Variants in SHISA6 observed in about 807,000 individuals in gnomAD.
SHISA6 encodes shisa family member 6.
Under a neutral mutation model 47.9 loss-of-function variants are expected in SHISA6, and 22 were observed. The ratio of observed to expected loss-of-function variants is 0.46; its 90% CI spans 0.33 to 0.66. SHISA6 has a LOEUF of 0.66. Among genes scored for constraint, SHISA6 ranks in the 30% least tolerant of loss-of-function variants. SHISA6 has a pLI of 0.02. For missense variants in SHISA6, 680 were observed against 764.6 expected (o/e 0.89, Z 1.30); for synonymous variants, 388 against 337.8 (o/e 1.15, Z -1.63).
chr17:11,417,435 C>T (rs374230834), intron 3 of SHISA6, among the ~76,000 whole-genome samples: 10 of 152,260 alleles, frequency 6.6e-5, no homozygotes, highest in African/African-American at 1.7e-4. Flanking sequence ...TATTACCACC[C>T]GATAACCAGC....
intron 2 of SHISA6, among the ~76,000 whole-genome samples, chr17:11,351,105 C>G (rs1241976489): frequency 6.6e-6 from 1 of 151,794 alleles, no homozygotes; most frequent in African/African-American, 2.4e-5. Flanking sequence ...AATGCATGGA[C>G]ACAGGGAGGG....
At chr17:11,486,824 C>T (rs1017664972) in intron 3 of SHISA6, among the ~76,000 whole-genome samples, 1 of 152,236 alleles carries the variant, frequency 6.6e-6, no homozygotes, top group Non-Finnish European at 1.5e-5. Context: ...ACACCCACTA[C>T]AGAAGGAGCG....
intron 2 of SHISA6, among the ~76,000 whole-genome samples, chr17:11,349,769 C>T (rs1237732703): frequency 6.6e-6 from 1 of 152,102 alleles, no homozygotes; most frequent in Non-Finnish European, 1.5e-5. Context: ...GAAATGAGGC[C>T]TCTTGAAAAA....
intron 2 of SHISA6, among the ~76,000 whole-genome samples, chr17:11,342,534 A>G (rs898987157): frequency 6.6e-6 from 1 of 152,186 alleles, no homozygotes; most frequent in African/African-American, 2.4e-5. Context: ...TGATAAAAGG[A>G]TAGTAAGAGG....
chr17:11,485,590 C>A (rs72809013), intron 3 of SHISA6, among the ~76,000 whole-genome samples: 1 of 152,034 alleles, frequency 6.6e-6, no homozygotes, highest in African/African-American at 2.4e-5. Context: ...GACGGCCACG[C>A]GCACTGAGTG....
intron 2 of SHISA6, among the ~76,000 whole-genome samples, chr17:11,271,136 G>A (rs79575614): frequency 0.03 from 4,539 of 152,084 alleles, 163 homozygotes; most frequent in African/African-American, 0.085. Context: ...CTCATCCTAT[G>A]TGAGGGGTGA....
At chr17:11,328,211 C>T (rs537978426) in intron 2 of SHISA6, among the ~76,000 whole-genome samples, 1 of 152,266 alleles carries the variant, frequency 6.6e-6, no homozygotes, top group East Asian at 1.9e-4. Flanking sequence ...GGACTCGGGC[C>T]ACACACATGA....
intron 3 of SHISA6, among the ~76,000 whole-genome samples, chr17:11,486,916 G>A (rs915634782): frequency 6.6e-6 from 1 of 152,212 alleles, no homozygotes; most frequent in Admixed American, 6.5e-5. Flanking sequence ...TAGCCCGGGG[G>A]TCTGCCAGCG....
At chr17:11,310,569 A>T (rs150718429) in intron 2 of SHISA6, among the ~76,000 whole-genome samples, 51 of 152,312 alleles carry the variant, frequency 3.3e-4, no homozygotes, top group African/African-American at 1.1e-3. Flanking sequence ...AGAGCCCATC[A>T]TGAAAGACCT....
At chr17:11,505,295 G>T (rs1004828756) in intron 3 of SHISA6, among the ~76,000 whole-genome samples, 1 of 152,204 alleles carries the variant, frequency 6.6e-6, no homozygotes, top group Non-Finnish European at 1.5e-5. Flanking sequence ...ATTTGGATAA[G>T]TTCTTCCCAG....
At chr17:11,504,572 A>G (rs1337132364) in intron 3 of SHISA6, among the ~76,000 whole-genome samples, 1 of 152,178 alleles carries the variant, frequency 6.6e-6, no homozygotes, top group Non-Finnish European at 1.5e-5. Context: ...TATCTATCAA[A>G]TCACATGCAT....
chr17:11,538,093 C>T (rs951699131), intron 3 of SHISA6, among the ~76,000 whole-genome samples: 4 of 152,140 alleles, frequency 2.6e-5, no homozygotes, highest in Non-Finnish European at 4.4e-5. Flanking sequence ...TGGAGTCTGG[C>T]TCTGTCACCA....
chr17:11,339,041 G>GA lies in SHISA6; in HGVS notation c.800-40362dup, dbSNP rs577507925. The stretch of plus-strand genomic sequence containing the variant: ...TGTGCCCAGCAACAGAGAGTTCATT[G>GA]AAAAAAAAAAATCCAAAATGTGTGT... On this transcript the variant is annotated intron_variant, in intron 2 of 5. Coordinates refer to ENST00000441885, the MANE Select transcript of SHISA6 (RefSeq NM_207386.4). Among the ~76,000 whole-genome samples, 288 of 144,576 alleles carry GA rather than the reference G, an allele frequency of 2.0e-3. No homozygotes were observed. The Middle Eastern group carries it at 0.022, about 11-fold the overall frequency. 94.8% of individuals were successfully genotyped at this position (144,576 alleles called of 152,430 possible). A position where few individuals can be genotyped will look rare whatever the true frequency, so the allele number is the denominator to read the frequency against.
At chr17:11,307,161 CT>C (rs535717755) in intron 2 of SHISA6, among the ~76,000 whole-genome samples, 2,577 of 133,456 alleles carry the variant, frequency 0.019, 69 homozygotes, top group African/African-American at 0.064. Flanking sequence ...TTCTTTTTTT[CT>C]TTTTTTTTTA....
chr17:11,302,550 G>A (rs978938883), intron 2 of SHISA6, among the ~76,000 whole-genome samples: 2 of 152,180 alleles, frequency 1.3e-5, no homozygotes, highest in Non-Finnish European at 2.9e-5. Context: ...GCCAGAAACA[G>A]GCAAGCATTT....
chr17:11,378,224 C>A lies in SHISA6; in HGVS notation c.800-1190C>A, dbSNP rs185815871. ...AAATTACATATTCATACGGAAAAAA[C>A]ACTTGGAAAATATAGAAAAGCTGAA... is the stretch of plus-strand genomic sequence containing the variant. On this transcript the variant is annotated intron_variant, in intron 2 of 5. Transcript: ENST00000441885. Among the ~76,000 whole-genome samples, 40 of 152,292 alleles carry A rather than the reference C, an allele frequency of 2.6e-4. No individual in the cohort carries two copies. The East Asian group carries it at 6.6e-3, about 25-fold the overall frequency.
chr17:11,538,756 G>A (rs144001355), intron 3 of SHISA6, among the ~76,000 whole-genome samples: 280 of 152,164 alleles, frequency 1.8e-3, no homozygotes, highest in African/African-American at 5.4e-3. Flanking sequence ...AAAACTCGTT[G>A]GCCTTAAGCA....
intron 3 of SHISA6, among the ~76,000 whole-genome samples, chr17:11,501,534 A>C (rs1302594321): frequency 6.6e-6 from 1 of 152,202 alleles, no homozygotes; most frequent in African/African-American, 2.4e-5. Context: ...ACTAGAAGAA[A>C]AGACCAAGGC....
intron 3 of SHISA6, among the ~76,000 whole-genome samples, chr17:11,395,175 A>G (rs1273305854): frequency 1.3e-5 from 2 of 151,780 alleles, no homozygotes; most frequent in Admixed American, 6.6e-5. Context: ...CAGCCACAGT[A>G]TGCTTATCAA....
Sources: gnomAD v4.1 joint callset for allele counts (sites outside exome capture counted in the v4.1 genomes callset) on GRCh38, gnomAD v4.1.1 for gene constraint, MANE v1.5 for transcripts, NCBI Gene and HGNC (gene_info 2026-07-23, HGNC 2026-07-21) for gene names.